Variants in TSNARE1 observed in about 807,000 individuals in gnomAD.
The protein encoded by TSNARE1 is t-SNARE domain containing 1, also known as t-SNARE domain-containing protein 1.
TSNARE1 carries 49 observed loss-of-function variants against 62.0 expected under a neutral mutation model. The ratio of observed to expected loss-of-function variants is 0.79; its 90% CI spans 0.63 to 1.00. The LOEUF (loss-of-function observed/expected upper bound fraction) is 1.00. TSNARE1 is among the 50% of genes least tolerant of loss of function. The pLI is 0.00. For missense variants in TSNARE1, 755 were observed against 700.1 expected (o/e 1.08, Z -0.88); for synonymous variants, 328 against 294.4 (o/e 1.11, Z -1.17).
chr8:142,295,890 C>T (rs537518853), intron 10 of TSNARE1, among the ~76,000 whole-genome samples: 86 of 150,682 alleles, frequency 5.7e-4, no homozygotes, highest in African/African-American at 2.0e-3. Flanking sequence ...GGATGAGATG[C>T]TACCTGTGGG....
chr8:142,214,603 T>G (rs1391076000), intron 13 of TSNARE1, among the ~76,000 whole-genome samples: 3 of 152,300 alleles, frequency 2.0e-5, no homozygotes, highest in Middle Eastern at 3.4e-3. Flanking sequence ...GAGGCCTGTT[T>G]AAAATCACAA....
chr8:142,368,453 C>T (rs569971833), intron 1 of TSNARE1, among the ~76,000 whole-genome samples: 2 of 145,154 alleles, frequency 1.4e-5, no homozygotes, highest in East Asian at 2.3e-4. Flanking sequence ...CCTAACAATA[C>T]GAAAAGGCCT....
chr8:142,401,053 A>G (rs1302739880), intron 1 of TSNARE1, among the ~76,000 whole-genome samples: 1 of 152,184 alleles, frequency 6.6e-6, no homozygotes, highest in Non-Finnish European at 1.5e-5. Flanking sequence ...TGGTACAGCC[A>G]TGGTCGAGGC....
Position 142,334,559 on chromosome 8 carries a change from A to C in TSNARE1, c.746-2728T>G, listed in dbSNP as rs375963265. Among the ~76,000 whole-genome samples, 9 of 152,330 alleles carry C rather than the reference A, an allele frequency of 5.9e-5. No homozygotes were observed. The East Asian group carries it at 1.7e-3, about 29-fold the overall frequency. The stretch of plus-strand genomic sequence containing the variant: ...CCAGAAATAATGACCAAAAGTACCC[A>C]AATTTTATGAAACTATAAACTCGGA... On this transcript the variant is annotated intron_variant, in intron 4 of 13. Coordinates refer to ENST00000524325, the MANE Select transcript of TSNARE1 (RefSeq NM_145003.5).
At chr8:142,404,302 G>A (rs956844679), upstream of TSNARE1, 1 of 128,974 alleles carries the variant, frequency 7.8e-6, no homozygotes, top group African/African-American at 3.0e-5. Flanking sequence ...AAGTGTGCTC[G>A]TGGACACTGC....
chr8:142,273,514 C>T (rs1819939186), intron 12 of TSNARE1: 1 of 985,312 alleles, frequency 1.0e-6, no homozygotes, highest in African/African-American at 1.7e-5. Flanking sequence ...CCCAGCCTTG[C>T]CTCTGACCTC....
intron 12 of TSNARE1, among the ~76,000 whole-genome samples, chr8:142,234,103 A>G (rs1284510533): frequency 2.6e-5 from 4 of 152,238 alleles, no homozygotes; most frequent in Non-Finnish European, 5.9e-5. Context: ...GAAGGCTCCA[A>G]GATGGCTCCA....
intron 10 of TSNARE1, among the ~76,000 whole-genome samples, chr8:142,288,333 C>T (rs1266136311): frequency 6.6e-6 from 1 of 152,274 alleles, no homozygotes; most frequent in Non-Finnish European, 1.5e-5. Flanking sequence ...TCAGAGTCAA[C>T]TTCCACAACC....
chr8:142,259,263 G>A (rs967175003), intron 12 of TSNARE1, among the ~76,000 whole-genome samples: 1 of 152,210 alleles, frequency 6.6e-6, no homozygotes, highest in Non-Finnish European at 1.5e-5. Flanking sequence ...TTTATTAGAC[G>A]CAGCAGATTG....
At chr8:142,269,811 T>C in intron 12 of TSNARE1, 2 of 985,250 alleles carry the variant, frequency 2.0e-6, no homozygotes, top group Non-Finnish European at 2.4e-6. Flanking sequence ...ATAGAAGGGG[T>C]AGCCTGGAGG....
At chr8:142,284,622 C>T (rs1400640746) in intron 10 of TSNARE1, 137 bp from the exon 11 acceptor site, 10 of 699,674 alleles carry the variant, frequency 1.4e-5, no homozygotes, top group African/African-American at 5.2e-5. Context: ...AGCTGGGGAC[C>T]GGCTGGTCTG....
chr8:142,349,752 T>G (rs1833848743), intron 2 of TSNARE1, among the ~76,000 whole-genome samples: 2 of 152,200 alleles, frequency 1.3e-5, no homozygotes, highest in Admixed American at 1.3e-4. Flanking sequence ...GCTTCACGGG[T>G]GTCGACACAT....
chr8:142,370,424 T>A (rs1297505202), intron 1 of TSNARE1, among the ~76,000 whole-genome samples: 1 of 151,904 alleles, frequency 6.6e-6, no homozygotes, highest in East Asian at 1.9e-4. Flanking sequence ...AAAAATAAAT[T>A]TAAACATTCG....
intron 9 of TSNARE1, among the ~76,000 whole-genome samples, chr8:142,301,911 C>T (rs774466147): frequency 3.9e-5 from 6 of 152,220 alleles, no homozygotes; most frequent in Non-Finnish European, 8.8e-5. Context: ...TCTGCAGCAG[C>T]GCCTGCCCTC....
chr8:142,333,857 C>T (rs552161438), intron 4 of TSNARE1, among the ~76,000 whole-genome samples: 4 of 152,370 alleles, frequency 2.6e-5, no homozygotes, highest in African/African-American at 9.6e-5. Flanking sequence ...TCCAGGAAGG[C>T]AAGGCCTGAG....
chr8:142,310,229 T>C (rs1031462198), intron 9 of TSNARE1, among the ~76,000 whole-genome samples: 5 of 152,228 alleles, frequency 3.3e-5, no homozygotes, highest in African/African-American at 1.2e-4. Context: ...TAATTGCATA[T>C]ATTACTACAT....
At chr8:142,350,064 T>G (rs1433047143) in intron 2 of TSNARE1, among the ~76,000 whole-genome samples, 1 of 91,740 alleles carries the variant, frequency 1.1e-5, no homozygotes, top group African/African-American at 4.9e-5. Flanking sequence ...CAGGCAGGGC[T>G]GGGACCAGGG....
chr8:142,358,687 C>G (rs543556413), intron 1 of TSNARE1, among the ~76,000 whole-genome samples: 2 of 152,088 alleles, frequency 1.3e-5, no homozygotes, highest in South Asian at 4.2e-4. Context: ...AGTCTGGAAA[C>G]ACGAAATGGC....
At chr8:142,285,852 G>A (rs758585330) in intron 10 of TSNARE1, among the ~76,000 whole-genome samples, 5 of 152,102 alleles carry the variant, frequency 3.3e-5, no homozygotes, top group Admixed American at 1.3e-4. Context: ...CCTAAGAGAC[G>A]TGGCCACGCC....
Sources: allele counts gnomAD v4.1 joint callset (sites outside exome capture counted in the v4.1 genomes callset), GRCh38; gene constraint gnomAD v4.1.1; transcripts MANE v1.5; gene names NCBI Gene and HGNC (gene_info 2026-07-23, HGNC 2026-07-21).